Variants in C2orf76 observed in about 807,000 individuals in gnomAD.
The protein encoded by C2orf76 is chromosome 2 open reading frame 76.
Under a neutral mutation model 16.9 loss-of-function variants are expected in C2orf76, and 23 were observed. The ratio of observed to expected loss-of-function variants is 1.36; its 90% CI spans 0.98 to 1.93. C2orf76 has a LOEUF of 1.93. Among genes scored for constraint, C2orf76 ranks in the 30% most tolerant of loss-of-function variants. C2orf76 has a pLI of 0.00. For missense variants in C2orf76, 152 were observed against 152.6 expected, an observed-to-expected ratio of 1.00 and a Z score of 0.02; for synonymous variants, 48 against 52.3, an observed-to-expected ratio of 0.92 and a Z score of 0.35.
intron 1 of C2orf76, among the ~76,000 whole-genome samples, chr2:119,340,970 T>C (rs1680011202): frequency 6.6e-6 from 1 of 151,864 alleles, no homozygotes; most frequent in Non-Finnish European, 1.5e-5. Flanking sequence ...TTCTGATGCA[T>C]TCTGAGTCTT....
chr2:119,356,566 A>G (rs1356039675), intron 1 of C2orf76, among the ~76,000 whole-genome samples: 2 of 151,942 alleles, frequency 1.3e-5, no homozygotes, highest in Non-Finnish European at 1.5e-5. Flanking sequence ...GTCTCAAGTC[A>G]ATAATCTAAG....
At chr2:119,347,195 A>G (rs762364910) in intron 1 of C2orf76, among the ~76,000 whole-genome samples, 12 of 152,188 alleles carry the variant, frequency 7.9e-5, no homozygotes, top group Non-Finnish European at 1.3e-4. Context: ...ATCAGCTATG[A>G]CAGGGTATGG....
chr2:119,358,961 C>T (rs988786929), intron 1 of C2orf76, among the ~76,000 whole-genome samples: 2 of 152,166 alleles, frequency 1.3e-5, no homozygotes, highest in African/African-American at 4.8e-5. Context: ...GAAGATGAAG[C>T]CATCTAGGAT....
intron 5 of C2orf76, among the ~76,000 whole-genome samples, chr2:119,304,120 G>A (rs1338880230): frequency 6.6e-6 from 1 of 152,198 alleles, no homozygotes; most frequent in African/African-American, 2.4e-5. Flanking sequence ...TATAGAAAAA[G>A]CTCCTGGGGT....
chr2:119,320,271 T>C (rs567527600), intron 3 of C2orf76, among the ~76,000 whole-genome samples: 1 of 152,276 alleles, frequency 6.6e-6, no homozygotes, highest in African/African-American at 2.4e-5. Flanking sequence ...CATCTGTAAG[T>C]TGATTCAAGT....
intron 5 of C2orf76, among the ~76,000 whole-genome samples, chr2:119,304,819 T>G (rs1678725607): frequency 6.6e-6 from 1 of 152,262 alleles, no homozygotes; most frequent in Non-Finnish European, 1.5e-5. Context: ...CAGAGAATGA[T>G]TTCAGGGACT....
At chr2:119,360,391 C>T (rs1045786024) in intron 1 of C2orf76, among the ~76,000 whole-genome samples, 13 of 148,910 alleles carry the variant, frequency 8.7e-5, no homozygotes, top group African/African-American at 3.2e-4. Flanking sequence ...GCAGGAGAAT[C>T]GCTTGAACCT....
At chr2:119,286,923 G>A in the C2orf76 span, among the ~76,000 whole-genome samples, 1 of 152,148 alleles carries the variant, frequency 6.6e-6, no homozygotes, top group African/African-American at 2.4e-5. Context: ...GCAAAGAAGG[G>A]TTTCACTTGC....
the C2orf76 span, among the ~76,000 whole-genome samples, chr2:119,290,703 G>T: frequency 6.6e-6 from 1 of 151,974 alleles, no homozygotes; most frequent in Non-Finnish European, 1.5e-5. Context: ...GGCATTGCAC[G>T]CTTGTAATCC....
In C2orf76 at chr2:119,302,497, T is replaced by C. The variant is rs2104528026; in HGVS notation, c.356A>G (p.Lys119Arg). The C allele has an allele frequency of 2.7e-6, 4 of 1,489,306 alleles. No individual in the cohort carries two copies. The highest frequency in any genetic ancestry group is 3.7e-6 in the Non-Finnish European group (4 of 1,087,354). The allele number at this position is 1,489,306 out of a possible 1,614,324, so 92.3% of individuals were successfully genotyped here. ...TCACCAGGATGAAATGGGATTAGCT[T>C]TGTAGTTCTTATAATCTTCTTCACA... ...FFCEEDYKNYKANPISSW is the reference protein window; with the variant it reads ...FFCEEDYKNYRANPISSW Residue 119 changes from lysine (K) to arginine (R), a missense_variant, in exon 6 of 6, where the codon AAA becomes AGA. Transcript: ENST00000334816.
intron 5 of C2orf76, among the ~76,000 whole-genome samples, chr2:119,309,231 C>T (rs1460249616): frequency 6.6e-6 from 1 of 152,082 alleles, no homozygotes; most frequent in Non-Finnish European, 1.5e-5. Context: ...CTACATAAAA[C>T]AGTATCTATG....
intron 5 of C2orf76, among the ~76,000 whole-genome samples, chr2:119,306,031 G>A (rs1678771863): frequency 6.6e-6 from 1 of 152,026 alleles, no homozygotes. Context: ...AGGTAAAACG[G>A]GAAACACTCT....
chr2:119,301,149 ATTC>A (rs1678616240), downstream of C2orf76, among the ~76,000 whole-genome samples: 1 of 151,338 alleles, frequency 6.6e-6, no homozygotes, highest in African/African-American at 2.4e-5. Flanking sequence ...TTTTTCTGCT[ATTC>A]TTAAAATCAT....
intron 2 of C2orf76, among the ~76,000 whole-genome samples, chr2:119,333,155 C>T (rs1320450683): frequency 1.3e-5 from 2 of 152,174 alleles, no homozygotes; most frequent in Non-Finnish European, 1.5e-5. Context: ...AACTGCCTCA[C>T]GTGATAAGGC....
chr2:119,305,857 T>C (rs1347660249), intron 5 of C2orf76, among the ~76,000 whole-genome samples: 4 of 150,740 alleles, frequency 2.7e-5, no homozygotes, highest in Non-Finnish European at 2.9e-5. Flanking sequence ...ATGACTTGCT[T>C]CAAATATTTG....
intron 5 of C2orf76, among the ~76,000 whole-genome samples, chr2:119,307,303 G>A (rs1006105814): frequency 2.0e-5 from 3 of 152,054 alleles, no homozygotes; most frequent in African/African-American, 4.8e-5. Flanking sequence ...AGCTGGGCGT[G>A]GTGGCACATG....
chr2:119,305,488 T>G (rs1389517908), intron 5 of C2orf76, among the ~76,000 whole-genome samples: 2 of 152,216 alleles, frequency 1.3e-5, no homozygotes, highest in African/African-American at 4.8e-5. Flanking sequence ...GTCCCTAGCC[T>G]CATGCTAGTC....
At chr2:119,301,076 A>AACACACACACACACACACACACACAC (rs57577702), downstream of C2orf76, among the ~76,000 whole-genome samples, 1 of 146,140 alleles carries the variant, frequency 6.8e-6, no homozygotes, top group South Asian at 2.2e-4. Context: ...ACTTCTTAAA[A>AACACACACACACACACACACACACAC]ACACACACAC....
At chr2:119,328,032 T>C (rs1420671406) in intron 2 of C2orf76, among the ~76,000 whole-genome samples, 3 of 151,972 alleles carry the variant, frequency 2.0e-5, no homozygotes, top group Non-Finnish European at 4.4e-5. Flanking sequence ...CCCCCTCCTT[T>C]TTTTTTTCTT....
Sources: gnomAD v4.1 joint callset for allele counts (sites outside exome capture counted in the v4.1 genomes callset) on GRCh38, gnomAD v4.1.1 for gene constraint, MANE v1.5 for transcripts, NCBI Gene and HGNC (gene_info 2026-07-23, HGNC 2026-07-21) for gene names.